Variants in KCNN2 observed in about 807,000 individuals in gnomAD.
KCNN2 encodes the protein small conductance calcium-activated potassium channel protein 2.
A neutral mutation model predicts 55.5 loss-of-function variants in KCNN2; 24 were observed. The ratio of observed to expected loss-of-function variants is 0.43; its 90% CI spans 0.31 to 0.61. The LOEUF (loss-of-function observed/expected upper bound fraction) is 0.61. KCNN2 is among the 20% of genes least tolerant of loss of function. The probability of loss-of-function intolerance (pLI) is 0.08; values close to 1 mark genes in which losing one functional copy is unlikely to be tolerated. For synonymous variants in KCNN2, 431 were observed against 336.1 expected (o/e 1.28, Z -3.09); for missense variants, 754 against 853.6 (o/e 0.88, Z 1.45).
chr5:114,374,283 A>G (rs1757870400), intron 2 of KCNN2, among the ~76,000 whole-genome samples: 1 of 152,180 alleles, frequency 6.6e-6, no homozygotes, highest in South Asian at 2.1e-4. Context: ...AAGGGGAATA[A>G]TTTGGATGAT....
chr5:114,061,258 C>T (rs1750323229), intron 1 of KCNN2, among the ~76,000 whole-genome samples: 1 of 152,146 alleles, frequency 6.6e-6, no homozygotes, highest in Non-Finnish European at 1.5e-5. Context: ...TGGGATCACT[C>T]CTAGTACCCC....
chr5:114,219,442 G>T (rs1253909942), intron 1 of KCNN2, among the ~76,000 whole-genome samples: 1 of 152,172 alleles, frequency 6.6e-6, no homozygotes. Context: ...GCAGGAAGGG[G>T]AGCTGAAAAG....
chr5:114,404,237 C>T (rs1758869914), intron 2 of KCNN2, among the ~76,000 whole-genome samples: 1 of 152,124 alleles, frequency 6.6e-6, no homozygotes. Flanking sequence ...CTCCTGAGTA[C>T]CAAGTTTTTA....
chr5:114,346,697 C>T (rs1049601094), intron 2 of KCNN2, among the ~76,000 whole-genome samples: 1 of 150,430 alleles, frequency 6.6e-6, no homozygotes, highest in Non-Finnish European at 1.5e-5. Context: ...GCTGAAAGGG[C>T]CTGTAAAAAA....
chr5:114,168,839 A>G (rs1352353059), intron 1 of KCNN2, among the ~76,000 whole-genome samples: 1 of 152,130 alleles, frequency 6.6e-6, no homozygotes, highest in African/African-American at 2.4e-5. Context: ...TCACAAAAAG[A>G]TTCCCAAGGA....
chr5:114,142,819 G>C (rs563983027), intron 1 of KCNN2, among the ~76,000 whole-genome samples: 1 of 152,032 alleles, frequency 6.6e-6, no homozygotes, highest in African/African-American at 2.4e-5. Context: ...TAATGCCACC[G>C]CCATCAAGCT....
chr5:114,443,485 G>T (rs142750861), intron 3 of KCNN2, among the ~76,000 whole-genome samples: 1 of 152,142 alleles, frequency 6.6e-6, no homozygotes, highest in African/African-American at 2.4e-5. Flanking sequence ...TAAATGCTTC[G>T]TTGGGATTAT....
intron 2 of KCNN2, among the ~76,000 whole-genome samples, chr5:114,381,380 T>G (rs998340643): frequency 6.6e-6 from 1 of 152,204 alleles, no homozygotes; most frequent in African/African-American, 2.4e-5. Context: ...TTTTGTAGTC[T>G]GGTTGTAAGA....
At chr5:114,373,242 A>G (rs78455757) in intron 2 of KCNN2, among the ~76,000 whole-genome samples, 3 of 151,958 alleles carry the variant, frequency 2.0e-5, no homozygotes, top group Admixed American at 1.3e-4. Context: ...CTACCTTCCT[A>G]ATTCTACATG....
rs570575122 is a variant in KCNN2, at chr5:114,114,787, C to T, written c.-271+58287C>T. On this transcript the variant is annotated intron_variant, in intron 1 of 10. Transcript: ENST00000512097. ...CCACTCCTGCCAAGCATTAGGCTCT[C>T]GTGGAGCTGGTAATCTAGCTAGCAA... Among the ~76,000 whole-genome samples the T allele has an allele frequency of 1.3e-4, 20 of 152,186 alleles. 1 individual carries two copies. The highest frequency in any genetic ancestry group is 5.9e-4 in the Admixed American group (9 of 15,258).
At chr5:114,156,044 A>G (rs1752626908) in intron 1 of KCNN2, among the ~76,000 whole-genome samples, 2 of 152,154 alleles carry the variant, frequency 1.3e-5, no homozygotes, top group Admixed American at 1.3e-4. Flanking sequence ...ATCTATCTTG[A>G]CTTAATTTTT....
chr5:114,082,888 G>A (rs1181327219), intron 1 of KCNN2, among the ~76,000 whole-genome samples: 1 of 151,868 alleles, frequency 6.6e-6, no homozygotes, highest in Non-Finnish European at 1.5e-5. Context: ...GTAGAATGGT[G>A]GTTGCCAGGA....
intron 7 of KCNN2, among the ~76,000 whole-genome samples, chr5:114,493,921 C>T (rs925796625): frequency 6.6e-6 from 1 of 151,918 alleles, no homozygotes; most frequent in Non-Finnish European, 1.5e-5. Flanking sequence ...TAAAAGATAC[C>T]AGAAATTACA....
chr5:114,202,073 C>T (rs1011843522), intron 1 of KCNN2, among the ~76,000 whole-genome samples: 6 of 152,050 alleles, frequency 3.9e-5, no homozygotes, highest in Admixed American at 3.3e-4. Flanking sequence ...TGTGGGGGCA[C>T]CTGTTCTCTT....
intron 3 of KCNN2, among the ~76,000 whole-genome samples, chr5:114,439,654 T>C (rs1475452808): frequency 2.6e-5 from 4 of 152,152 alleles, no homozygotes; most frequent in South Asian, 2.1e-4. Context: ...TAGCACCAAA[T>C]TGATTTCACT....
rs569943249 is a variant in KCNN2 at position 114,391,208 on chromosome 5, C to T, written c.1219-13230C>T. ...TCTTTCCTTACCAATTTCCCTTCCTCCTCTTCCATGGCTAATTTTCCCATC... is the reference window on the plus strand; with the variant it reads ...TCTTTCCTTACCAATTTCCCTTCCTTCTCTTCCATGGCTAATTTTCCCATC... On this transcript the variant is annotated intron_variant, in intron 2 of 7. Transcript: ENST00000673685. 3.3e-5 allele frequency among the ~76,000 whole-genome samples: 5 copies of T among 152,228 alleles called. No homozygotes were observed. In the South Asian group the frequency reaches 8.3e-4, roughly 25 times the overall value.
chr5:114,456,482 A>G (rs1760934336), intron 3 of KCNN2, among the ~76,000 whole-genome samples: 1 of 152,250 alleles, frequency 6.6e-6, no homozygotes, highest in Non-Finnish European at 1.5e-5. Context: ...GATGGACAAG[A>G]TTAGTGTTGT....
At chr5:114,251,614 G>T (rs1316978042) in intron 2 of KCNN2, among the ~76,000 whole-genome samples, 1 of 152,078 alleles carries the variant, frequency 6.6e-6, no homozygotes, top group Non-Finnish European at 1.5e-5. Context: ...GTTACATTCA[G>T]TAAGTTCTTG....
At chr5:114,369,835 C>A (rs1040793561) in intron 2 of KCNN2, among the ~76,000 whole-genome samples, 1 of 152,110 alleles carries the variant, frequency 6.6e-6, no homozygotes, top group East Asian at 1.9e-4. Context: ...AGGTTTACCA[C>A]AAATGGGTTT....
Sources: allele counts gnomAD v4.1 joint callset (sites outside exome capture counted in the v4.1 genomes callset), GRCh38; gene constraint gnomAD v4.1.1; transcripts MANE v1.5; gene names NCBI Gene and HGNC (gene_info 2026-07-23, HGNC 2026-07-21).